Variants in ANKFN1 observed in about 807,000 individuals in gnomAD.
The protein encoded by ANKFN1 is ankyrin repeat and fibronectin type III domain containing 1, also known as ankyrin repeat and fibronectin type-III domain-containing protein 1.
In ANKFN1, 74 loss-of-function variants were observed where a neutral mutation model predicts 108.7. The ratio of observed to expected loss-of-function variants is 0.68; its 90% CI spans 0.56 to 0.83. The LOEUF (loss-of-function observed/expected upper bound fraction) is 0.83. Ranked by LOEUF, ANKFN1 falls within the 40% of genes least tolerant of loss-of-function variation. The probability of loss-of-function intolerance (pLI) is 0.00; values close to 1 mark genes in which losing one functional copy is unlikely to be tolerated. For missense variants in ANKFN1, 1,505 were observed against 1,382.3 expected (o/e 1.09, Z -1.41); for synonymous variants, 547 against 516.2 (o/e 1.06, Z -0.81).
intron 3 of ANKFN1, among the ~76,000 whole-genome samples, chr17:56,271,311 G>A (rs1237895384): frequency 1.3e-5 from 2 of 152,156 alleles, no homozygotes; most frequent in Non-Finnish European, 2.9e-5. Context: ...GGCCTATATG[G>A]TTATTTCTGT....
upstream of ANKFN1, among the ~76,000 whole-genome samples, chr17:56,148,984 G>A (rs1485058395): frequency 6.6e-6 from 1 of 152,150 alleles, no homozygotes; most frequent in Non-Finnish European, 1.5e-5. Flanking sequence ...GTAACTGCAG[G>A]CAAGAGAGGT....
intron 4 of ANKFN1, among the ~76,000 whole-genome samples, chr17:56,052,613 G>A (rs1904797657): frequency 6.6e-6 from 1 of 152,132 alleles, no homozygotes; most frequent in Admixed American, 6.6e-5. Context: ...TGTGGTTTCT[G>A]CTTTATTCAC....
chr17:56,057,562 G>A (rs1904901054), intron 4 of ANKFN1, among the ~76,000 whole-genome samples: 1 of 152,172 alleles, frequency 6.6e-6, no homozygotes, highest in African/African-American at 2.4e-5. Flanking sequence ...GAGGCGGGCA[G>A]ATCACTTGAG....
intron 4 of ANKFN1, among the ~76,000 whole-genome samples, chr17:56,148,144 A>G (rs16956748): frequency 0.024 from 3,730 of 152,324 alleles, 165 homozygotes; most frequent in African/African-American, 0.085. Flanking sequence ...TTAAAATTTC[A>G]TTTGATGAGA....
At chr17:56,049,681 G>A (rs1377325884) in intron 4 of ANKFN1, among the ~76,000 whole-genome samples, 1 of 149,858 alleles carries the variant, frequency 6.7e-6, no homozygotes, top group Admixed American at 6.6e-5. Flanking sequence ...CGAGAATGAT[G>A]ATTTCCAATT....
intron 4 of ANKFN1, among the ~76,000 whole-genome samples, chr17:56,094,679 T>TTTTG (rs71363827): frequency 0.39 from 52,398 of 135,480 alleles, 12,657 homozygotes; most frequent in Non-Finnish European, 0.51. Flanking sequence ...AATTGGGTTT[T>TTTTG]TTTTTTTTTT....
chr17:56,315,043 G>A (rs1449413509), intron 3 of ANKFN1, among the ~76,000 whole-genome samples: 10 of 152,146 alleles, frequency 6.6e-5, no homozygotes, highest in Non-Finnish European at 1.5e-5. Context: ...AGGTGCAAAT[G>A]TGTTTCACTG....
chr17:56,285,279 T>G (rs1191975255), intron 3 of ANKFN1, among the ~76,000 whole-genome samples: 1 of 152,136 alleles, frequency 6.6e-6, no homozygotes, highest in Admixed American at 6.5e-5. Flanking sequence ...TCCTAAAGAC[T>G]TATTCCCTGG....
chr17:56,368,211 C>A, intron 6 of ANKFN1: 1 of 1,247,730 alleles, frequency 8.0e-7, no homozygotes, highest in South Asian at 1.7e-5. Flanking sequence ...TTACAAAAGT[C>A]TGAAATTTTT....
rs9908750 is a variant in ANKFN1, at chr17:56,478,007, A to C, written c.1940+353A>C. Among the ~76,000 whole-genome samples the C allele has an allele frequency of 8.2e-3, 1,246 of 152,214 alleles. 19 individuals carry two copies. The highest frequency in any genetic ancestry group is 0.028 in the African/African-American group (1,180 of 41,544). ...CACGCCCAGCTAACTTTGTATTTTT[A>C]GTAGAGATGGGGTTTCACCATGTTG... On this transcript the variant is annotated intron_variant, in intron 16 of 20. Transcript: ENST00000682825.
intron 4 of ANKFN1, among the ~76,000 whole-genome samples, chr17:56,061,259 G>GTTTT (rs1231171269): frequency 3.3e-5 from 2 of 60,562 alleles, no homozygotes; most frequent in African/African-American, 1.4e-4. Context: ...TCTGATGGTA[G>GTTTT]TTTTTCTTTT....
At position 56,516,982 on chromosome 17, in the gene ANKFN1, A is replaced by C. The variant is rs1418758023; in HGVS notation, c.*5713A>C. Among the ~76,000 whole-genome samples, 1 of 152,152 alleles carries C rather than the reference A, an allele frequency of 6.6e-6. No homozygotes were observed. Among genetic ancestry groups the C allele is most frequent in the East Asian group, 1.9e-4 (1 of 5,184 alleles). On this transcript the variant is annotated 3_prime_UTR_variant, in exon 21 of 21. Transcript: ENST00000682825. The stretch of plus-strand genomic sequence containing the variant: ...GCCCATTTGTCTTAAGTGTGGAAAA[A>C]TGTTGATTCAATAATAAACAAATAG...
intron 8 of ANKFN1, among the ~76,000 whole-genome samples, chr17:56,418,588 A>G (rs778444093): frequency 4.6e-5 from 7 of 152,170 alleles, no homozygotes; most frequent in Non-Finnish European, 7.3e-5. Context: ...TAATAATAAA[A>G]GAAAACCCCA....
intron 1 of ANKFN1, 68 bp downstream of exon 1, chr17:56,153,598 C>A: frequency 6.3e-7 from 1 of 1,590,758 alleles, no homozygotes; most frequent in East Asian, 2.2e-5. Flanking sequence ...ATTCAACAGG[C>A]AGGAAAATGT....
chr17:56,431,917 T>C (rs1458387636), intron 8 of ANKFN1, among the ~76,000 whole-genome samples: 1 of 152,190 alleles, frequency 6.6e-6, no homozygotes, highest in Non-Finnish European at 1.5e-5. Context: ...CCTTTAGGAA[T>C]GTAAAATAGC....
At chr17:56,228,072 C>A in intron 3 of ANKFN1, 115 bp downstream of exon 3, 1 of 816,590 alleles carries the variant, frequency 1.2e-6, no homozygotes, top group Non-Finnish European at 1.9e-6. Context: ...TAGCTCAGCA[C>A]ACACAGCCAA....
intron 8 of ANKFN1, among the ~76,000 whole-genome samples, chr17:56,397,133 G>A (rs1422573567): frequency 1.3e-5 from 2 of 151,976 alleles, no homozygotes; most frequent in East Asian, 3.9e-4. Flanking sequence ...CATGAGTCAA[G>A]TAGCTTAAAT....
chr17:56,268,992 T>C (rs184553130), intron 3 of ANKFN1, among the ~76,000 whole-genome samples: 5 of 152,364 alleles, frequency 3.3e-5, no homozygotes, highest in African/African-American at 9.6e-5. Flanking sequence ...TTTCCACTGC[T>C]AAGAATGCAC....
upstream of ANKFN1, among the ~76,000 whole-genome samples, chr17:56,152,254 ATATATATATGTGTGTGTGTGTGTG>A (rs1908686580): frequency 1.3e-5 from 1 of 78,420 alleles, no homozygotes; most frequent in African/African-American, 4.1e-5. Context: ...AAATATATAT[ATATATATATGTGTGTGTGTGTGTG>A]TGTGTGTGTG....
Sources: gnomAD v4.1 joint callset for allele counts (sites outside exome capture counted in the v4.1 genomes callset) on GRCh38, gnomAD v4.1.1 for gene constraint, MANE v1.5 for transcripts, NCBI Gene and HGNC (gene_info 2026-07-23, HGNC 2026-07-21) for gene names.